The following CNTN4 variants were observed in gnomAD, a reference collection of about 807,000 sequenced individuals.
CNTN4 encodes the protein contactin-4.
CNTN4 carries 77 observed loss-of-function variants against 122.5 expected under a neutral mutation model. The ratio of observed to expected loss-of-function variants is 0.63; its 90% CI spans 0.52 to 0.76. The LOEUF (loss-of-function observed/expected upper bound fraction) is 0.76, where lower values mean the gene tolerates loss of function less well. Among genes scored for constraint, CNTN4 ranks in the 30% least tolerant of loss-of-function variants. The pLI is 0.00. For missense variants in CNTN4, 1,256 were observed against 1,259.1 expected (o/e 1.00, Z 0.04); for synonymous variants, 512 against 447.0 (o/e 1.15, Z -1.83).
At chr3:2,292,135 G>C (rs947685650) in intron 2 of CNTN4, among the ~76,000 whole-genome samples, 5 of 152,142 alleles carry the variant, frequency 3.3e-5, no homozygotes, top group Non-Finnish European at 5.9e-5. Flanking sequence ...TGTCTCATTT[G>C]TAAAAAGTGG....
chr3:2,289,505 T>G (rs1346274216), intron 2 of CNTN4, among the ~76,000 whole-genome samples: 1 of 152,228 alleles, frequency 6.6e-6, no homozygotes, highest in Non-Finnish European at 1.5e-5. Flanking sequence ...TGATGTTCAT[T>G]AAACGTTGCT....
intron 6 of CNTN4, among the ~76,000 whole-genome samples, chr3:2,751,601 T>C (rs2090095225): frequency 6.6e-6 from 1 of 152,142 alleles, no homozygotes; most frequent in Non-Finnish European, 1.5e-5. Flanking sequence ...CAGTTCGTTA[T>C]TTGCACAGCT....
At chr3:2,884,409 A>G (rs1238359964) in intron 9 of CNTN4, among the ~76,000 whole-genome samples, 2 of 152,142 alleles carry the variant, frequency 1.3e-5, no homozygotes, top group Non-Finnish European at 2.9e-5. Flanking sequence ...CTACAGTCGT[A>G]TCTTTACTTT....
intron 3 of CNTN4, among the ~76,000 whole-genome samples, chr3:2,449,935 A>G (rs1394417170): frequency 6.6e-6 from 1 of 152,120 alleles, no homozygotes; most frequent in Non-Finnish European, 1.5e-5. Context: ...GTTGCTAGAG[A>G]ATGGAGGGAG....
At chr3:2,865,075 TTA>T (rs1400501785) in intron 7 of CNTN4, among the ~76,000 whole-genome samples, 2 of 152,164 alleles carry the variant, frequency 1.3e-5, no homozygotes, top group Non-Finnish European at 2.9e-5. Context: ...CCCCCAGATT[TTA>T]GTTTCTTGAG....
At chr3:2,311,540 G>A (rs575160144) in intron 2 of CNTN4, among the ~76,000 whole-genome samples, 5 of 152,122 alleles carry the variant, frequency 3.3e-5, no homozygotes, top group South Asian at 4.1e-4. Flanking sequence ...AGTATAAAGC[G>A]TGTTACTTGA....
chr3:2,636,439 T>G (rs2082661375), intron 4 of CNTN4, among the ~76,000 whole-genome samples: 1 of 152,178 alleles, frequency 6.6e-6, no homozygotes, highest in Non-Finnish European at 1.5e-5. Flanking sequence ...ACCTACAACC[T>G]GCTCACCTGG....
intron 6 of CNTN4, among the ~76,000 whole-genome samples, chr3:2,800,082 T>TC (rs966804304): frequency 1.3e-5 from 2 of 150,990 alleles, no homozygotes; most frequent in African/African-American, 4.9e-5. Context: ...CCATCTACTT[T>TC]TTTTTTTTTT....
At chr3:2,169,601 G>A (rs1343922773) in intron 2 of CNTN4, among the ~76,000 whole-genome samples, 1 of 151,890 alleles carries the variant, frequency 6.6e-6, no homozygotes, top group South Asian at 2.1e-4. Flanking sequence ...GTTTCACCCT[G>A]CTAGCCAGGA....
chr3:2,278,530 G>C (rs1488353730), intron 2 of CNTN4, among the ~76,000 whole-genome samples: 1 of 152,212 alleles, frequency 6.6e-6, no homozygotes, highest in Non-Finnish European at 1.5e-5. Flanking sequence ...TAGATAAGTG[G>C]TATGGAGAAG....
At chr3:2,607,831 A>G (rs2081324599) in intron 4 of CNTN4, among the ~76,000 whole-genome samples, 1 of 152,188 alleles carries the variant, frequency 6.6e-6, no homozygotes, top group African/African-American at 2.4e-5. Context: ...TTGATTATGT[A>G]GGGTATCAAT....
chr3:2,286,252 A>C (rs2041900528), intron 2 of CNTN4, among the ~76,000 whole-genome samples: 1 of 143,358 alleles, frequency 7.0e-6, no homozygotes. Context: ...CCCACAACAT[A>C]CACATACAAA....
intron 4 of CNTN4, among the ~76,000 whole-genome samples, chr3:2,717,768 C>CT (rs1266285262): frequency 5.1e-5 from 7 of 136,142 alleles, no homozygotes; most frequent in Admixed American, 4.8e-4. Context: ...ACATTTGAGC[C>CT]TTCTGACTTC....
intron 8 of CNTN4, among the ~76,000 whole-genome samples, chr3:2,873,617 T>C (rs2093810935): frequency 6.6e-6 from 1 of 152,238 alleles, no homozygotes. Flanking sequence ...AACTGGTCAC[T>C]GTAAACTTTC....
chr3:2,182,048 A>G (rs1328756583), intron 2 of CNTN4, among the ~76,000 whole-genome samples: 1 of 152,152 alleles, frequency 6.6e-6, no homozygotes, highest in African/African-American at 2.4e-5. Flanking sequence ...TAGAATCAAC[A>G]GGTTCTAGCA....
chr3:2,916,769 A>T (rs545177586), intron 12 of CNTN4, among the ~76,000 whole-genome samples: 3 of 141,426 alleles, frequency 2.1e-5, no homozygotes, highest in Admixed American at 1.4e-4. Flanking sequence ...ACTTCCCAGT[A>T]GGGGCGGCCG....
At chr3:2,342,293 C>T (rs1249550173) in intron 3 of CNTN4, among the ~76,000 whole-genome samples, 2 of 152,130 alleles carry the variant, frequency 1.3e-5, no homozygotes, top group African/African-American at 2.4e-5. Flanking sequence ...AAACTGCACT[C>T]ATAGGGAAAA....
intron 14 of CNTN4, among the ~76,000 whole-genome samples, chr3:3,025,249 C>T (rs1024947718): frequency 5.9e-5 from 9 of 152,002 alleles, no homozygotes; most frequent in African/African-American, 2.4e-5. Flanking sequence ...AATTTTAAAG[C>T]GAATTGATGG....
At chr3:2,395,217 A>G (rs1288318867) in intron 3 of CNTN4, among the ~76,000 whole-genome samples, 1 of 152,172 alleles carries the variant, frequency 6.6e-6, no homozygotes, top group East Asian at 1.9e-4. Flanking sequence ...AGCAACATGA[A>G]TGAATCTTAA....
Sources: allele counts gnomAD v4.1 joint callset (sites outside exome capture counted in the v4.1 genomes callset), GRCh38; gene constraint gnomAD v4.1.1; transcripts MANE v1.5; gene names NCBI Gene and HGNC (gene_info 2026-07-23, HGNC 2026-07-21).